The following DDX19B variants were observed in gnomAD, a reference collection of about 807,000 sequenced individuals.
DDX19B encodes DEAD-box helicase 19B, also known as ATP-dependent RNA helicase DDX19B.
A neutral mutation model predicts 58.1 loss-of-function variants in DDX19B; 27 were observed. The ratio of observed to expected loss-of-function variants is 0.46; its 90% confidence interval spans 0.34 to 0.64. The LOEUF (loss-of-function observed/expected upper bound fraction) is 0.64, where lower values mean the gene tolerates loss of function less well. Ranked by LOEUF, DDX19B falls within the 30% of genes least tolerant of loss-of-function variation. The probability of loss-of-function intolerance (pLI) is 0.01; values close to 1 mark genes in which losing one functional copy is unlikely to be tolerated. For missense variants in DDX19B, 399 were observed against 596.5 expected (o/e 0.67, Z 3.45); for synonymous variants, 187 against 214.4 (o/e 0.87, Z 1.12).
rs747748491 is a variant in DDX19B, at chr16:70,326,019, C to T, written c.607+331C>T. On this transcript the variant is annotated intron_variant, in intron 7 of 11. Transcript: ENST00000288071. ...CCTCCCCAGCTGTTCCCAAAGTCTT[C>T]CTTTATAGCTGTTTGGTTTTTCGAC... Among the ~76,000 whole-genome samples, 112 of 152,164 alleles carry T rather than the reference C, an allele frequency of 7.4e-4. 1 individual carries two copies. Among genetic ancestry groups the T allele is most frequent in the Admixed American group, 2.5e-3 (38 of 15,258 alleles).
upstream of DDX19B, among the ~76,000 whole-genome samples, chr16:70,292,706 G>T (rs570473526): frequency 6.6e-6 from 1 of 152,314 alleles, no homozygotes; most frequent in Admixed American, 6.5e-5. Context: ...TTGCTCTCCA[G>T]TAGAACATTT....
intron 3 of DDX19B, 44 bp downstream of exon 3, chr16:70,314,999 T>C: frequency 6.3e-7 from 1 of 1,590,106 alleles, no homozygotes. Context: ...GCTTCTACAT[T>C]CTAAGAAAGT....
intron 5 of DDX19B, 58 bp downstream of exon 5, chr16:70,317,646 A>G (rs1251109689): frequency 1.3e-6 from 2 of 1,510,526 alleles, no homozygotes; most frequent in African/African-American, 1.4e-5. Flanking sequence ...GAAAACTATT[A>G]TTATTTTCAC....
chr16:70,292,439 G>C (rs750290764), upstream of DDX19B, among the ~76,000 whole-genome samples: 1 of 152,064 alleles, frequency 6.6e-6, no homozygotes, highest in African/African-American at 2.4e-5. Flanking sequence ...GAGCCATCGC[G>C]TCCGGCCCCC....
intron 1 of DDX19B, among the ~76,000 whole-genome samples, chr16:70,308,982 TTAGTG>T (rs1176557943): frequency 1.3e-5 from 2 of 152,074 alleles, no homozygotes. Flanking sequence ...CCCTCCCCCA[TTAGTG>T]TATTCTTTAT....
chr16:70,332,137 C>T (rs1209592320), intron 10 of DDX19B, among the ~76,000 whole-genome samples: 1 of 152,198 alleles, frequency 6.6e-6, no homozygotes, highest in Non-Finnish European at 1.5e-5. Context: ...CCTGCTCTTC[C>T]AGGGATGCCC....
intron 3 of DDX19B, 60 bp from the exon 4 acceptor site, chr16:70,315,904 TTAGAG>T: frequency 1.3e-6 from 2 of 1,567,456 alleles, no homozygotes; most frequent in African/African-American, 1.4e-5. Context: ...GGCAGTTGAA[TTAGAG>T]TAAACGCCTG....
intron 5 of DDX19B, among the ~76,000 whole-genome samples, chr16:70,320,847 G>A (rs1483549104): frequency 6.6e-6 from 1 of 151,346 alleles, no homozygotes; most frequent in Non-Finnish European, 1.5e-5. Context: ...GTGAGCCATC[G>A]TGCCCGGCCT....
chr16:70,316,149 T>C, intron 4 of DDX19B, 45 bp downstream of exon 4: 1 of 1,612,064 alleles, frequency 6.2e-7, no homozygotes, highest in African/African-American at 1.3e-5. Context: ...TGCACTGAAA[T>C]AGAGATCCTA....
rs74024202 is a variant in DDX19B, at chr16:70,333,140, C to T, written c.1359C>T (p.Asn453=). Residue 453 remains asparagine (N), a synonymous_variant, in exon 11 of 12, where the codon AAC becomes AAT. Coordinates refer to ENST00000288071, the MANE Select transcript of DDX19B (RefSeq NM_007242.7). ...VDSKHSMNIL[N]RIQEHFNKKI... ...GCAAGCACAGCATGAACATCCTGAACAGAATCCAGGAGCATTTTAGTGAGT... is the reference window on the plus strand; with the variant it reads ...GCAAGCACAGCATGAACATCCTGAATAGAATCCAGGAGCATTTTAGTGAGT... 0.013 allele frequency: 19,724 copies of T among 1,499,048 alleles called. 2,282 individuals are homozygous for T. The African/African-American group carries it at 0.24, about 19-fold the overall frequency. 92.9% of individuals were successfully genotyped at this position (1,499,048 alleles called of 1,614,324 possible).
rs201977116 is a variant in DDX19B at position 70,327,033 on chromosome 16, A to G, written c.607+1345A>G. On this transcript the variant is annotated intron_variant, in intron 7 of 11. Transcript: ENST00000288071. ...GTATTTTTAGTAGAGACGGGGTTTC[A>G]CTGTGTTAGCCAGGATGGTCTCTAT... Among the ~76,000 whole-genome samples the G allele has an allele frequency of 4.2e-4, 62 of 148,464 alleles. No homozygotes were observed. The East Asian group carries it at 0.012, about 29-fold the overall frequency.
chr16:70,318,282 G>A (rs1345878114), intron 5 of DDX19B, among the ~76,000 whole-genome samples: 2 of 150,686 alleles, frequency 1.3e-5, no homozygotes, highest in African/African-American at 2.4e-5. Context: ...GCTGAGGCAC[G>A]AGAATCGCTT....
intron 7 of DDX19B, among the ~76,000 whole-genome samples, chr16:70,327,452 G>T (rs1413204444): frequency 6.6e-6 from 1 of 152,056 alleles, no homozygotes; most frequent in Admixed American, 6.6e-5. Flanking sequence ...AGAATCACTT[G>T]AACCCGGGAG....
chr16:70,312,733 G>GA, intron 2 of DDX19B, 76 bp downstream of exon 2: 4 of 1,330,322 alleles, frequency 3.0e-6, no homozygotes, highest in Non-Finnish European at 4.2e-6. Context: ...CAACTGTCTG[G>GA]AAAAAAATTT....
At chr16:70,326,344 G>A (rs944875731) in intron 7 of DDX19B, among the ~76,000 whole-genome samples, 58 of 152,116 alleles carry the variant, frequency 3.8e-4, no homozygotes, top group Non-Finnish European at 6.9e-4. Context: ...AGGCGTGGTG[G>A]CGGGCACCTG....
chr16:70,323,122 T>C (rs1242903855), intron 5 of DDX19B, among the ~76,000 whole-genome samples: 2 of 152,100 alleles, frequency 1.3e-5, no homozygotes, highest in African/African-American at 4.8e-5. Flanking sequence ...AGACAGGGTC[T>C]TGCTCTGTCA....
rs1963036739 is a variant in DDX19B, at chr16:70,324,516, T to G, written c.390-69T>G. 5.0e-6 allele frequency: 7 copies of G among 1,399,818 alleles called. No individual in the cohort carries two copies. The Admixed American group carries it at 5.9e-5, about 12-fold the overall frequency. 86.7% of individuals were successfully genotyped at this position (1,399,818 alleles called of 1,614,324 possible). The stretch of plus-strand genomic sequence containing the variant: ...TCTCCTATAAATGAATTTTTAATAC[T>G]CATTTTTTTAAACTTTGTTAACTAA... On this transcript the variant is annotated intron_variant, in intron 5 of 11. Transcript: ENST00000288071.
intron 9 of DDX19B, 67 bp from the exon 10 acceptor site, chr16:70,331,655 T>G (rs1963482590): frequency 2.6e-6 from 4 of 1,554,724 alleles, no homozygotes. Flanking sequence ...GCAAGCCACT[T>G]TTTAGCAGTT....
At chr16:70,292,877 G>A (rs572555434), upstream of DDX19B, among the ~76,000 whole-genome samples, 52 of 152,022 alleles carry the variant, frequency 3.4e-4, no homozygotes, top group African/African-American at 1.2e-3. Flanking sequence ...AGGCCGAGGC[G>A]GGCAGATCAC....
Sources: gnomAD v4.1 joint callset for allele counts (sites outside exome capture counted in the v4.1 genomes callset) on GRCh38, gnomAD v4.1.1 for gene constraint, MANE v1.5 for transcripts, NCBI Gene and HGNC (gene_info 2026-07-23, HGNC 2026-07-21) for gene names.